Variants in CLIC5 observed in about 807,000 individuals in gnomAD.
CLIC5 encodes the protein chloride intracellular channel protein 5.
In CLIC5, 20 loss-of-function variants were observed where a neutral mutation model predicts 24.7. That is an observed-to-expected ratio of 0.81 (90% CI 0.57 to 1.18). The LOEUF (loss-of-function observed/expected upper bound fraction) is 1.18, where lower values mean the gene tolerates loss of function less well. CLIC5 is among the 50% of genes most tolerant of loss of function. The pLI, the probability that CLIC5 is intolerant of heterozygous loss-of-function variation, is 0.00. For synonymous variants in CLIC5, 159 were observed against 135.6 expected (o/e 1.17, Z -1.20); for missense variants, 341 against 326.1 (o/e 1.05, Z -0.35).
At chr6:46,032,203 G>A (rs1242802386) in intron 1 of CLIC5, among the ~76,000 whole-genome samples, 1 of 152,126 alleles carries the variant, frequency 6.6e-6, no homozygotes, top group Non-Finnish European at 1.5e-5. Context: ...GGCTATAGCA[G>A]GAGGAAGAGA....
At chr6:46,026,507 A>G (rs144786032) in intron 1 of CLIC5, among the ~76,000 whole-genome samples, 436 of 152,290 alleles carry the variant, frequency 2.9e-3, no homozygotes, top group African/African-American at 0.01. Flanking sequence ...TCAACTGTGC[A>G]ATCTTTTATG....
intron 1 of CLIC5, among the ~76,000 whole-genome samples, chr6:46,040,654 G>A (rs981743004): frequency 5.9e-5 from 9 of 152,164 alleles, no homozygotes; most frequent in Admixed American, 2.6e-4. Flanking sequence ...TGATGTCGAC[G>A]GTAGCTGATA....
intron 5 of CLIC5, among the ~76,000 whole-genome samples, chr6:45,909,951 C>T (rs1228209654): frequency 1.3e-5 from 2 of 152,108 alleles, no homozygotes; most frequent in Non-Finnish European, 2.9e-5. Flanking sequence ...TGCAGAGTTT[C>T]CCAGAAAGTT....
rs145248944 is a variant in CLIC5 at position 46,057,409 on chromosome 6, C to T, written c.540+22294G>A. Among the ~76,000 whole-genome samples, 48 of 152,332 alleles carry T rather than the reference C, an allele frequency of 3.2e-4. No individual in the cohort carries two copies. The East Asian group carries it at 8.1e-3, about 26-fold the overall frequency. The stretch of plus-strand genomic sequence containing the variant: ...TCTCCTCTTGCCGTGACTCTGAGTC[C>T]TCCCCAGCCATGTGGAACTGTAAGT... On this transcript the variant is annotated intron_variant, in intron 1 of 5. Transcript: ENST00000185206.
At chr6:46,009,123 C>T (rs1766708671) in intron 1 of CLIC5, among the ~76,000 whole-genome samples, 1 of 151,860 alleles carries the variant, frequency 6.6e-6, no homozygotes, top group Non-Finnish European at 1.5e-5. Context: ...TGAGAACCAC[C>T]AGCCTACCCA....
chr6:46,043,426 C>T (rs141311521), intron 1 of CLIC5, among the ~76,000 whole-genome samples: 221 of 152,266 alleles, frequency 1.5e-3, no homozygotes, highest in African/African-American at 5.2e-3. Context: ...TTCTCAAATA[C>T]CTGCAAAGTA....
chr6:46,059,024 G>T (rs1378963330), intron 1 of CLIC5, among the ~76,000 whole-genome samples: 4 of 152,198 alleles, frequency 2.6e-5, no homozygotes, highest in Admixed American at 2.0e-4. Context: ...CTCAGAGTGT[G>T]GTTGAGTGTT....
At chr6:46,056,722 A>T (rs932956654) in intron 1 of CLIC5, among the ~76,000 whole-genome samples, 3 of 152,104 alleles carry the variant, frequency 2.0e-5, no homozygotes, top group Non-Finnish European at 4.4e-5. Context: ...TGAAAGCCTT[A>T]TTGGGGGACT....
intron 1 of CLIC5, among the ~76,000 whole-genome samples, chr6:45,967,074 T>G (rs1465941472): frequency 2.0e-5 from 3 of 152,208 alleles, no homozygotes; most frequent in Non-Finnish European, 4.4e-5. Context: ...CTTCCTCTAG[T>G]CAGCCATGGT....
intron 1 of CLIC5, among the ~76,000 whole-genome samples, chr6:46,028,414 A>C (rs1270526561): frequency 2.6e-5 from 4 of 152,222 alleles, no homozygotes; most frequent in Non-Finnish European, 4.4e-5. Flanking sequence ...ATAAAAAATA[A>C]GGGGGTCCTG....
chr6:46,041,857 G>C (rs1344807418), intron 1 of CLIC5, among the ~76,000 whole-genome samples: 1 of 152,124 alleles, frequency 6.6e-6, no homozygotes, highest in Non-Finnish European at 1.5e-5. Flanking sequence ...GCCTGACACA[G>C]AGTTAATGTT....
intron 1 of CLIC5, among the ~76,000 whole-genome samples, chr6:46,031,903 TACAACATATATATGTAC>T: frequency 6.8e-6 from 1 of 146,686 alleles, no homozygotes; most frequent in African/African-American, 2.5e-5. Flanking sequence ...CATATATATA[TACAACATATATATGTAC>T]ACAACATATA....
At chr6:45,971,512 T>C (rs1468892168) in intron 1 of CLIC5, among the ~76,000 whole-genome samples, 1 of 152,226 alleles carries the variant, frequency 6.6e-6, no homozygotes, top group African/African-American at 2.4e-5. Flanking sequence ...CCTGCTATTG[T>C]TGGACTATGT....
At chr6:45,994,505 G>A (rs947582709) in intron 1 of CLIC5, among the ~76,000 whole-genome samples, 5 of 152,064 alleles carry the variant, frequency 3.3e-5, no homozygotes, top group African/African-American at 1.2e-4. Context: ...TGAGGGGTGA[G>A]GGGAGGGAAT....
At chr6:46,096,504 A>G in the CLIC5 span, among the ~76,000 whole-genome samples, 1 of 151,932 alleles carries the variant, frequency 6.6e-6, no homozygotes, top group Admixed American at 6.6e-5. Flanking sequence ...GGGATTACAG[A>G]CTCTTCTTCC....
At chr6:46,005,323 C>A (rs1483165722) in intron 1 of CLIC5, among the ~76,000 whole-genome samples, 1 of 152,080 alleles carries the variant, frequency 6.6e-6, no homozygotes, top group Non-Finnish European at 1.5e-5. Flanking sequence ...GAAAAGAAAC[C>A]ATCACCCTGA....
At chr6:45,922,455 A>C (rs1763300690) in intron 4 of CLIC5, among the ~76,000 whole-genome samples, 1 of 152,230 alleles carries the variant, frequency 6.6e-6, no homozygotes, top group Admixed American at 6.5e-5. Context: ...TTTATTTAAT[A>C]CAGCTCCACA....
chr6:45,963,613 T>C (rs1764923354), intron 1 of CLIC5, among the ~76,000 whole-genome samples: 1 of 151,942 alleles, frequency 6.6e-6, no homozygotes, highest in Non-Finnish European at 1.5e-5. Context: ...GCAATAACTC[T>C]GGCTTCTAGG....
intron 1 of CLIC5, among the ~76,000 whole-genome samples, chr6:46,032,538 G>A (rs75467470): frequency 6.6e-6 from 1 of 152,148 alleles, no homozygotes; most frequent in African/African-American, 2.4e-5. Context: ...AAAGGCCAAG[G>A]CATGCCAGCA....
Sources: gnomAD v4.1 joint callset for allele counts (sites outside exome capture counted in the v4.1 genomes callset) on GRCh38, gnomAD v4.1.1 for gene constraint, MANE v1.5 for transcripts, NCBI Gene and HGNC (gene_info 2026-07-23, HGNC 2026-07-21) for gene names.